The following NTN1 variants were observed in gnomAD, a reference collection of about 807,000 sequenced individuals.
The protein encoded by NTN1 is netrin 1.
A neutral mutation model predicts 54.2 loss-of-function variants in NTN1; 11 were observed. The observed-to-expected ratio is 0.20, with a 90% confidence interval of 0.13 to 0.34. NTN1 has a LOEUF of 0.34. Ranked by LOEUF, NTN1 falls within the 10% of genes least tolerant of loss-of-function variation. The pLI is 1.00. For missense variants in NTN1, 740 were observed against 893.1 expected (o/e 0.83, Z 2.18); for synonymous variants, 371 against 382.0 (o/e 0.97, Z 0.33).
intron 2 of NTN1, among the ~76,000 whole-genome samples, chr17:9,043,577 C>CTT (rs111336083): frequency 0.01 from 1,494 of 145,978 alleles, 28 homozygotes; most frequent in African/African-American, 0.033. Context: ...TAATCTCTCT[C>CTT]TTTTTTTTTT....
intron 2 of NTN1, among the ~76,000 whole-genome samples, chr17:9,089,703 C>T (rs2142231771): frequency 6.6e-6 from 1 of 152,192 alleles, no homozygotes; most frequent in Non-Finnish European, 1.5e-5. Flanking sequence ...ACTCTCAGGG[C>T]CCTTCTACCT....
In NTN1 at chr17:9,135,420, C is replaced by T. The variant is rs2092277751; in HGVS notation, c.1019-27393C>T. 1.3e-5 allele frequency among the ~76,000 whole-genome samples: 2 copies of T among 152,204 alleles called. No individual in the cohort carries two copies. Reference sequence around the variant, plus strand: ...GCACGGCTTCCTCTGGCCTCTGAGCCTTTGGACGTCCTTCCCCCTATTCTC... The same window carrying T: ...GCACGGCTTCCTCTGGCCTCTGAGCTTTTGGACGTCCTTCCCCCTATTCTC... On this transcript the variant is annotated intron_variant, in intron 2 of 6. Coordinates refer to ENST00000173229, the MANE Select transcript of NTN1 (RefSeq NM_004822.3). This position sits in a 1 kb window ranked among gnomAD's most constrained non-coding sequence, Gnocchi z 4.4.
At chr17:9,019,533 ATG>A (rs2091839020), upstream of NTN1, among the ~76,000 whole-genome samples, 1 of 152,330 alleles carries the variant, frequency 6.6e-6, no homozygotes, top group Non-Finnish European at 1.5e-5. Flanking sequence ...GCCTATTTAT[ATG>A]TGTTACAGAC....
chr17:9,102,612 C>T (rs1402009825), intron 2 of NTN1, among the ~76,000 whole-genome samples: 1 of 152,216 alleles, frequency 6.6e-6, no homozygotes, highest in Non-Finnish European at 1.5e-5. Context: ...GCAGCAATTC[C>T]ACTCTTGGGT....
intron 2 of NTN1, among the ~76,000 whole-genome samples, chr17:9,134,023 G>A (rs1044928824): frequency 6.7e-6 from 1 of 148,408 alleles, no homozygotes; most frequent in Non-Finnish European, 1.5e-5. Flanking sequence ...TCCTGCCTCA[G>A]CCTCCCAAGT....
chr17:9,137,285 A>T (rs1174982046), intron 2 of NTN1, among the ~76,000 whole-genome samples: 1 of 152,100 alleles, frequency 6.6e-6, no homozygotes, highest in Non-Finnish European at 1.5e-5. Context: ...TTTGTTCTGT[A>T]TTCCCACCCC....
chr17:9,167,776 CT>C (rs1191254482), intron 3 of NTN1, among the ~76,000 whole-genome samples: 1 of 151,982 alleles, frequency 6.6e-6, no homozygotes, highest in African/African-American at 2.4e-5. Flanking sequence ...GTCTTGCCCC[CT>C]CTGTTTCCTT....
At position 9,022,421 on chromosome 17, in the gene NTN1, G is replaced by A; in HGVS notation, c.48G>A (p.Ala16=). The change falls in exon 2 of 7, where the codon GCG becomes GCA. Residue 16 remains alanine, a synonymous_variant. Transcript: ENST00000173229. ...WEALAALAAV[A]CLVGAVRGGP... The stretch of plus-strand genomic sequence containing the variant: ...CGCTGGCGGCGCTGGCGGCGGTGGC[G>A]TGCCTGGTGGGCGCGGTGCGCGGCG... 1.5e-6 allele frequency: 2 copies of A among 1,352,088 alleles called. No individual in the cohort carries two copies. Among genetic ancestry groups the A allele is most frequent in the South Asian group, 2.0e-5 (1 of 50,400 alleles). The allele number at this position is 1,352,088 out of a possible 1,614,324, so 83.8% of individuals were successfully genotyped here. A position where few individuals can be genotyped will look rare whatever the true frequency, so the allele number is the denominator to read the frequency against.
intron 2 of NTN1, among the ~76,000 whole-genome samples, chr17:9,069,470 T>TA (rs1158469403): frequency 6.6e-6 from 1 of 152,230 alleles, no homozygotes; most frequent in Non-Finnish European, 1.5e-5. Flanking sequence ...AACCTGTATA[T>TA]AAACTATTTT....
rs114581224 is a variant in NTN1, at chr17:9,118,861, A to G, written c.1019-43952A>G. ...CCTTTTCATTGCTGAGTAATATTCCATTGTAGAGATATATTGCATTTTGTG... is the reference window on the plus strand; with the variant it reads ...CCTTTTCATTGCTGAGTAATATTCCGTTGTAGAGATATATTGCATTTTGTG... On this transcript the variant is annotated intron_variant, in intron 2 of 6. Transcript: ENST00000173229. Among the ~76,000 whole-genome samples, 811 of 152,212 alleles carry G rather than the reference A, an allele frequency of 5.3e-3. 6 individuals carry two copies. Among genetic ancestry groups the G allele is most frequent in the African/African-American group, 0.018 (763 of 41,528 alleles).
At position 9,240,481 on chromosome 17, in the gene NTN1, A is replaced by AT. The variant is rs1189944223; in HGVS notation, c.*514dup. ...CACCACCCGACACGCAGCCGACGGG[A>AT]TCCCCCCCTTTCTCCCCGGCCCCTT... On this transcript the variant is annotated 3_prime_UTR_variant, in exon 7 of 7. Transcript: ENST00000173229. 1 of 152,292 alleles carries AT rather than the reference A, an allele frequency of 6.6e-6. No individual in the cohort carries two copies. Among genetic ancestry groups the AT allele is most frequent in the Admixed American group, 6.5e-5 (1 of 15,272 alleles). The allele number at this position is 152,292 out of a possible 1,614,324, so 9.4% of individuals were successfully genotyped here.
In NTN1 at chr17:9,230,456, C is replaced by CG. The variant is rs992397604; in HGVS notation, c.1487-9184_1487-9183insG. On this transcript the variant is annotated intron_variant, in intron 6 of 6. Transcript: ENST00000173229. ...TTCCCCCACCAGATGTGACCCCCCC[C>CG]CCGAGTGCCAGCCCCATATGGAGGC... 1.4e-4 allele frequency among the ~76,000 whole-genome samples: 13 copies of CG among 92,060 alleles called. No individual in the cohort carries two copies. In the South Asian group the frequency reaches 2.4e-3, roughly 17 times the overall value. The allele number at this position is 92,060 out of a possible 152,430, so 60.4% of individuals were successfully genotyped here.
In NTN1 at chr17:9,022,298, C is replaced by G; in HGVS notation, c.-63-13C>G. On this transcript the variant is annotated splice_polypyrimidine_tract_variant and intron_variant, in intron 1 of 6. Transcript: ENST00000173229. The stretch of plus-strand genomic sequence containing the variant: ...GGGCGGGCTGGCTGAGCGCAGCTCC[C>G]TTCTCTCCGCAGGCGCCTTCTGCGG... 8.0e-7 allele frequency: 1 copy of G among 1,250,694 alleles called. No individual in the cohort carries two copies. The highest frequency in any genetic ancestry group is 1.0e-6 in the Non-Finnish European group (1 of 1,000,264). 77.5% of individuals were successfully genotyped at this position (1,250,694 alleles called of 1,614,324 possible). A position where few individuals can be genotyped will look rare whatever the true frequency, so the allele number is the denominator to read the frequency against.
intron 2 of NTN1, among the ~76,000 whole-genome samples, chr17:9,161,594 A>G (rs1194317481): frequency 6.6e-6 from 1 of 152,120 alleles, no homozygotes; most frequent in African/African-American, 2.4e-5. Flanking sequence ...CCTGACCAAC[A>G]TGGTGAAACC....
At chr17:9,232,179 GAGA>G (rs1339455126) in intron 6 of NTN1, among the ~76,000 whole-genome samples, 1 of 152,212 alleles carries the variant, frequency 6.6e-6, no homozygotes, top group Non-Finnish European at 1.5e-5. Context: ...TCGGAGGCAG[GAGA>G]AGGAGGCGGC....
chr17:9,208,684 T>C (rs947070824), intron 5 of NTN1, among the ~76,000 whole-genome samples: 4 of 152,166 alleles, frequency 2.6e-5, no homozygotes, highest in Non-Finnish European at 5.9e-5. Flanking sequence ...TTAGGTCCTG[T>C]TTTTTCCAGA....
At chr17:9,167,888 T>C (rs2092377413) in intron 3 of NTN1, among the ~76,000 whole-genome samples, 1 of 152,204 alleles carries the variant, frequency 6.6e-6, no homozygotes. Context: ...ACTTATGCTG[T>C]GAGTCTCACC....
At chr17:9,014,274 G>T in the NTN1 span, among the ~76,000 whole-genome samples, 416 of 152,272 alleles carry the variant, frequency 2.7e-3, 2 homozygotes, top group Non-Finnish European at 4.5e-3. Flanking sequence ...GGTGAGCTGG[G>T]CTCTAGATGC....
chr17:9,022,854 A>G lies in NTN1; in HGVS notation c.481A>G (p.Ile161Val). 6.2e-7 allele frequency: 1 copy of G among 1,611,476 alleles called. No homozygotes were observed. ...FCSPRPESMA[I>V]YKSMDYGRTW... ...CTCGCCGCGGCCCGAGTCCATGGCC[A>G]TCTACAAGTCCATGGACTACGGGCG... The change falls in exon 2 of 7, where the codon ATC (isoleucine) becomes GTC (valine). Residue 161 changes from isoleucine (I) to valine (V), a missense_variant. By Grantham distance (29) the Ile-to-Val change is conservative. Coordinates refer to ENST00000173229, the MANE Select transcript of NTN1 (RefSeq NM_004822.3).
Sources: gnomAD v4.1 joint callset for allele counts (sites outside exome capture counted in the v4.1 genomes callset) on GRCh38, gnomAD v4.1.1 for gene constraint, Gnocchi (gnomAD v3.1) non-coding constraint, MANE v1.5 for transcripts, NCBI Gene and HGNC (gene_info 2026-07-23, HGNC 2026-07-21) for gene names.